The following CEP164 variants were observed in gnomAD, a reference collection of about 807,000 sequenced individuals.
CEP164 encodes the protein centrosomal protein 164, also known as centrosomal protein of 164 kDa.
CEP164 carries 162 observed loss-of-function variants against 182.7 expected under a neutral mutation model. The ratio of observed to expected loss-of-function variants is 0.89; its 90% CI spans 0.78 to 1.01. The LOEUF is 1.01. Ranked by LOEUF, CEP164 falls within the 50% of genes least tolerant of loss-of-function variation. CEP164 has a pLI of 0.00. For missense variants in CEP164, 1,735 were observed against 1,790.4 expected (o/e 0.97, Z 0.56); for synonymous variants, 661 against 690.0 (o/e 0.96, Z 0.66).
intron 4 of CEP164, among the ~76,000 whole-genome samples, chr11:117,347,135 G>A (rs1437584948): frequency 1.3e-5 from 2 of 152,070 alleles, no homozygotes; most frequent in African/African-American, 4.8e-5. Flanking sequence ...GTGTAGAGAT[G>A]TAGCACAATT....
intron 4 of CEP164, 32 bp from the exon 5 acceptor site, chr11:117,351,758 G>A (rs202137006): frequency 3.5e-5 from 55 of 1,584,260 alleles, no homozygotes; most frequent in Non-Finnish European, 4.6e-5. Flanking sequence ...TATCTGAGCA[G>A]GGACTAACTT....
At chr11:117,347,304 A>C (rs1385062598) in intron 4 of CEP164, among the ~76,000 whole-genome samples, 1 of 152,198 alleles carries the variant, frequency 6.6e-6, no homozygotes, top group Non-Finnish European at 1.5e-5. Context: ...TGATTACTGT[A>C]GTTTTATAAT....
rs752527152 is a variant in CEP164 at position 117,390,995 on chromosome 11, C to A, written c.2067-4C>A. 1 of 1,614,042 alleles carries A rather than the reference C, an allele frequency of 6.2e-7. No individual in the cohort carries two copies. The highest frequency in any genetic ancestry group is 2.2e-5 in the East Asian group (1 of 44,844). ...CCCGTTACCATTCCACTGTGTCCACCCAGGGCTGAGCAAGAGGCTTCCCTG... is the reference window on the plus strand; with the variant it reads ...CCCGTTACCATTCCACTGTGTCCACACAGGGCTGAGCAAGAGGCTTCCCTG... On this transcript the variant is annotated splice_region_variant and splice_polypyrimidine_tract_variant and intron_variant, in intron 16 of 32. Transcript: ENST00000278935.
At position 117,411,882 on chromosome 11, in the gene CEP164, G is replaced by GAGGTGGCT; in HGVS notation, c.4252_4259dup (p.Glu1421GlyfsTer25). ...TTCAGGGCATAATTGAGGCCAACCG[G>GAGGTGGCT]AGGTGGCTGGAACGTGTCAAGAATG... On this transcript the variant is annotated frameshift_variant, in exon 32 of 33. Transcript: ENST00000278935. LOFTEE classifies it low-confidence loss of function (END_TRUNC). This position sits in a 1 kb window ranked among gnomAD's most constrained non-coding sequence, Gnocchi z 4.4. 6.2e-7 allele frequency: 1 copy of GAGGTGGCT among 1,614,152 alleles called. No homozygotes were observed. The highest frequency in any genetic ancestry group is 8.5e-7 in the Non-Finnish European group (1 of 1,180,022).
chr11:117,379,342 T>C (rs997093926), intron 11 of CEP164, among the ~76,000 whole-genome samples: 1 of 152,166 alleles, frequency 6.6e-6, no homozygotes. Flanking sequence ...AGGCTGCCAG[T>C]GGAGAGGTAT....
Position 117,331,227 on chromosome 11 carries a change from A to G in CEP164, c.-98+3323A>G, listed in dbSNP as rs188278519. On this transcript the variant is annotated intron_variant, in intron 1 of 32. Transcript: ENST00000278935. Reference sequence around the variant, plus strand: ...AGGACTGGGAAACGATATGTACTGAATGGAAGAGAACTGGGAATACTTAGC... The same window carrying G: ...AGGACTGGGAAACGATATGTACTGAGTGGAAGAGAACTGGGAATACTTAGC... Among the ~76,000 whole-genome samples, 14 of 152,346 alleles carry G rather than the reference A, an allele frequency of 9.2e-5. No individual in the cohort carries two copies. The East Asian group carries it at 2.3e-3, about 25-fold the overall frequency.
chr11:117,382,550 G>A (rs559868856), intron 13 of CEP164, among the ~76,000 whole-genome samples: 1 of 152,312 alleles, frequency 6.6e-6, no homozygotes, highest in South Asian at 2.1e-4. Context: ...AACACCTGCT[G>A]TGTACGGAGC....
At chr11:117,396,442 A>C in intron 25 of CEP164, 108 bp from the exon 26 acceptor site, 6 of 937,110 alleles carry the variant, frequency 6.4e-6, no homozygotes, top group Non-Finnish European at 8.8e-6. Context: ...CCTGGCAGCT[A>C]GAGAGCCATT....
At chr11:117,387,473 A>G (rs907965347) in intron 15 of CEP164, 61 bp downstream of exon 15, 7 of 1,539,484 alleles carry the variant, frequency 4.5e-6, no homozygotes, top group African/African-American at 1.4e-5. Flanking sequence ...GGAGCCAGGG[A>G]CACCCTCTTA....
At chr11:117,359,570 T>C in intron 5 of CEP164, 1 of 985,436 alleles carries the variant, frequency 1.0e-6, no homozygotes, top group South Asian at 4.7e-5. Flanking sequence ...GGTGAGAAGA[T>C]GGATCTTCTG....
At position 117,397,263 on chromosome 11, in the gene CEP164, G is replaced by A. The variant is rs1361759129; in HGVS notation, c.3451G>A (p.Asp1151Asn). Reference sequence around the variant, plus strand: ...GGCCAGTGCGCAGGAGGTGGCCAAAGACCCACCAGGCATCAAGGCCCTGGA... The same window carrying A: ...GGCCAGTGCGCAGGAGGTGGCCAAAAACCCACCAGGCATCAAGGCCCTGGA... ...ELASAQEVAK[D>N]PPGIKALEDM... The change falls in exon 27 of 33, where the codon GAC (aspartate) becomes AAC (asparagine). Residue 1151 changes from aspartate (D) to asparagine (N), a missense_variant. Physicochemically the swap from Asp to Asn is conservative, Grantham distance 23. Transcript: ENST00000278935. 6.2e-7 allele frequency: 1 copy of A among 1,614,058 alleles called. No homozygotes were observed.
chr11:117,374,141 C>T (rs2042501930), intron 10 of CEP164, among the ~76,000 whole-genome samples: 1 of 151,966 alleles, frequency 6.6e-6, no homozygotes, highest in African/African-American at 2.4e-5. Context: ...TGTGAGTTGC[C>T]TGTGTGATCA....
At position 117,381,770 on chromosome 11, in the gene CEP164, G is replaced by C. The variant is rs778285049; in HGVS notation, c.1479G>C (p.Glu493Asp). Residue 493 changes from glutamate (E) to aspartate (D), a missense_variant, in exon 13 of 33, where the codon GAG (glutamate) becomes GAC (aspartate). By Grantham distance (45) the Glu-to-Asp change is conservative. Transcript: ENST00000278935. ...CTCGCAGCCTGGCCACTGAAGAAGA[G>C]CCTCCCCAGGGCCCCGAGGGGCAGC... ...SPPRSLATEE[E>D]PPQGPEGQPE... 16 of 1,602,946 alleles carry C rather than the reference G, an allele frequency of 1.0e-5. No homozygotes were observed. Among genetic ancestry groups the C allele is most frequent in the Non-Finnish European group, 1.3e-5 (15 of 1,174,774 alleles).
At chr11:117,385,720 T>C (rs3781981) in intron 14 of CEP164, 57,652 of 152,156 alleles carry the variant, frequency 0.38, 11,288 homozygotes, top group East Asian at 0.48. Flanking sequence ...ATGTCTTATA[T>C]ATGCATTAAT....
chr11:117,390,653 A>AG (rs1386116463), intron 15 of CEP164, 124 bp from the exon 16 acceptor site: 19 of 1,315,562 alleles, frequency 1.4e-5, no homozygotes, highest in Non-Finnish European at 2.0e-5. Flanking sequence ...AAAAAAAAAA[A>AG]AAAAGATTTA....
At chr11:117,353,895 A>G (rs1315661401) in intron 5 of CEP164, among the ~76,000 whole-genome samples, 1 of 152,168 alleles carries the variant, frequency 6.6e-6, no homozygotes, top group Non-Finnish European at 1.5e-5. Flanking sequence ...TTGGTAGACA[A>G]TGCTAGACTG....
rs551352021 is a variant in CEP164 at position 117,360,957 on chromosome 11, C to T, written c.394-878C>T. Among the ~76,000 whole-genome samples, 290 of 134,396 alleles carry T rather than the reference C, an allele frequency of 2.2e-3. 3 individuals carry two copies. The highest frequency in any genetic ancestry group is 7.8e-3 in the African/African-American group (277 of 35,312). 88.2% of individuals were successfully genotyped at this position (134,396 alleles called of 152,430 possible). A position where few individuals can be genotyped will look rare whatever the true frequency, so the allele number is the denominator to read the frequency against. ...ATGGCTTTTTTTTTTTTTTTTGAGACAGAGTCTCGCTCTGTCGCTCAGGCT... is the reference window on the plus strand; with the variant it reads ...ATGGCTTTTTTTTTTTTTTTTGAGATAGAGTCTCGCTCTGTCGCTCAGGCT... On this transcript the variant is annotated intron_variant, in intron 5 of 32. Coordinates refer to ENST00000278935, the MANE Select transcript of CEP164 (RefSeq NM_014956.5).
In CEP164 at chr11:117,352,481, G is replaced by A. The variant is rs55677395; in HGVS notation, c.393+493G>A. 3.3e-5 allele frequency among the ~76,000 whole-genome samples: 5 copies of A among 152,294 alleles called. No homozygotes were observed. In the East Asian group the frequency reaches 7.7e-4, roughly 24 times the overall value. On this transcript the variant is annotated intron_variant, in intron 5 of 32. Coordinates refer to ENST00000278935, the MANE Select transcript of CEP164 (RefSeq NM_014956.5). ...AATTTAGTTGTCAAAACACCAGTGC[G>A]TTCAAGATTTGAAAGAAAAGCCTTG...
At chr11:117,360,653 G>A (rs1356260186) in intron 5 of CEP164, among the ~76,000 whole-genome samples, 4 of 152,154 alleles carry the variant, frequency 2.6e-5, no homozygotes, top group Non-Finnish European at 5.9e-5. Flanking sequence ...GATTACAGAT[G>A]TGAGCCACTA....
Sources: gnomAD v4.1 joint callset for allele counts (sites outside exome capture counted in the v4.1 genomes callset) on GRCh38, gnomAD v4.1.1 for gene constraint, Gnocchi (gnomAD v3.1) non-coding constraint, MANE v1.5 for transcripts, NCBI Gene and HGNC (gene_info 2026-07-23, HGNC 2026-07-21) for gene names.